TDRD9: variants seen among roughly 807,000 people sequenced by gnomAD.
TDRD9 encodes tudor domain containing 9, also known as ATP-dependent RNA helicase TDRD9.
TDRD9 carries 124 observed loss-of-function variants against 172.6 expected under a neutral mutation model. The ratio of observed to expected loss-of-function variants is 0.72; its 90% CI spans 0.62 to 0.83. The LOEUF (loss-of-function observed/expected upper bound fraction) is 0.83, where lower values mean the gene tolerates loss of function less well. TDRD9 is among the 40% of genes least tolerant of loss of function. TDRD9 has a pLI of 0.00. For synonymous variants in TDRD9, 619 were observed against 617.1 expected, an observed-to-expected ratio of 1.00 and a Z score of -0.05; for missense variants, 1,479 against 1,714.1, an observed-to-expected ratio of 0.86 and a Z score of 2.42.
intron 23 of TDRD9, among the ~76,000 whole-genome samples, chr14:104,018,866 C>T (rs1327392977): frequency 6.6e-6 from 1 of 152,042 alleles, no homozygotes; most frequent in Non-Finnish European, 1.5e-5. Flanking sequence ...CTTTAATGTC[C>T]AGTTCACTCA....
intron 5 of TDRD9, among the ~76,000 whole-genome samples, chr14:103,968,757 C>T (rs1403872134): frequency 9.8e-5 from 10 of 102,516 alleles, no homozygotes; most frequent in South Asian, 3.6e-4. Context: ...GATTGCGCCA[C>T]TGCACTCCAG....
Position 104,007,485 on chromosome 14 carries a change from G to T in TDRD9, c.2052+281G>T, listed in dbSNP as rs556048736. ...TCCACATTGTACTGATCTTGCCATG[G>T]TGTCTGCAGCCTCTTTGGCTGTATT... On this transcript the variant is annotated intron_variant, in intron 19 of 35. Coordinates refer to ENST00000409874, the MANE Select transcript of TDRD9 (RefSeq NM_153046.3). Among the ~76,000 whole-genome samples, 59 of 152,290 alleles carry T rather than the reference G, an allele frequency of 3.9e-4. 1 individual carries two copies. Among genetic ancestry groups the T allele is most frequent in the African/African-American group, 1.4e-3 (57 of 41,552 alleles).
intron 20 of TDRD9, chr14:104,013,986 T>C (rs2034697265): frequency 6.6e-6 from 1 of 150,984 alleles, no homozygotes; most frequent in African/African-American, 2.4e-5. Flanking sequence ...TCCCAGCACC[T>C]TGGGGGGCCG....
chr14:103,985,291 AG>A (rs969199484), intron 7 of TDRD9, among the ~76,000 whole-genome samples: 6 of 152,074 alleles, frequency 3.9e-5, no homozygotes, highest in Non-Finnish European at 7.4e-5. Context: ...CTGTTATGGG[AG>A]GGACCCAGTG....
At chr14:103,988,766 C>T (rs181765930) in intron 8 of TDRD9, among the ~76,000 whole-genome samples, 1 of 150,138 alleles carries the variant, frequency 6.7e-6, no homozygotes, top group Admixed American at 6.7e-5. Flanking sequence ...GATCATGGCT[C>T]ACAGCAGCCT....
chr14:103,955,582 C>G, intron 1 of TDRD9, 82 bp from the exon 2 acceptor site: 1 of 958,800 alleles, frequency 1.0e-6, no homozygotes, highest in Non-Finnish European at 1.5e-6. Context: ...TTTCCTGTGA[C>G]TTAATGTGAA....
chr14:103,929,551 A>T (rs1294149308), intron 1 of TDRD9, among the ~76,000 whole-genome samples: 1 of 145,524 alleles, frequency 6.9e-6, no homozygotes, highest in African/African-American at 2.5e-5. Context: ...ATGGAGTCTC[A>T]CTTTGTTACC....
rs79847334 is a variant in TDRD9, at chr14:103,997,504, G to C, written c.1379-1120G>C. 6.6e-6 allele frequency among the ~76,000 whole-genome samples: 1 copy of C among 152,220 alleles called. No homozygotes were observed. Among genetic ancestry groups the C allele is most frequent in the African/African-American group, 2.4e-5 (1 of 41,460 alleles). On this transcript the variant is annotated intron_variant, in intron 12 of 35. Transcript: ENST00000409874. The surrounding 1 kb of genome is among the most constrained non-coding windows in gnomAD (Gnocchi z 5.1). ...GAGGAGCTGGGATTCGGGCTGAGAC[G>C]TGCTAGATGTTCAGGTGGAGGTGTC...
intron 28 of TDRD9, 82 bp downstream of exon 28, chr14:104,027,021 A>T: frequency 1.2e-5 from 18 of 1,457,818 alleles, no homozygotes; most frequent in Non-Finnish European, 1.7e-5. Context: ...GGACCCTGAG[A>T]TAGGAGGAGG....
intron 12 of TDRD9, among the ~76,000 whole-genome samples, chr14:103,998,121 C>T (rs1018826725): frequency 5.9e-5 from 9 of 151,930 alleles, no homozygotes; most frequent in South Asian, 4.2e-4. Context: ...CAGAGACACT[C>T]GGCAGCTTAT....
chr14:104,033,587 C>G (rs1246794682), intron 30 of TDRD9, among the ~76,000 whole-genome samples: 1 of 152,110 alleles, frequency 6.6e-6, no homozygotes, highest in African/African-American at 2.4e-5. Flanking sequence ...GTGGGGTGGA[C>G]CACACTCAGT....
intron 12 of TDRD9, 89 bp downstream of exon 12, chr14:103,995,896 T>G: frequency 8.4e-7 from 1 of 1,185,610 alleles, no homozygotes; most frequent in African/African-American, 1.5e-5. Flanking sequence ...GTTCTTCTCT[T>G]CCTTCCCATC....
intron 6 of TDRD9, among the ~76,000 whole-genome samples, chr14:103,974,736 G>C (rs1216982169): frequency 6.6e-6 from 1 of 151,988 alleles, no homozygotes; most frequent in East Asian, 1.9e-4. Context: ...GACCTCCTTG[G>C]CTCCAGTGAT....
At position 104,026,783 on chromosome 14, in the gene TDRD9, C is replaced by G; in HGVS notation, c.3126C>G (p.Ser1042Arg). The change falls in exon 28 of 36, where the codon AGC becomes AGG. Residue 1042 changes from serine to arginine, a missense_variant. Physicochemically the swap from Ser to Arg is moderately radical, Grantham distance 110. This residue lies in a region of TDRD9 where 1,413 missense variants were observed against 1,649.1 expected (regional missense o/e 0.86). Coordinates refer to ENST00000409874, the MANE Select transcript of TDRD9 (RefSeq NM_153046.3). Reference protein sequence around the residue: ...GASQWFASLVSGCTLLVKVFS... With the variant: ...GASQWFASLVRGCTLLVKVFS... ...GCCAGTGGTTCGCCTCTCTGGTGAG[C>G]GGCTGCACCCTCCTTGTGAAGGTCT... 1 of 1,613,928 alleles carries G rather than the reference C, an allele frequency of 6.2e-7. No homozygotes were observed. Among genetic ancestry groups the G allele is most frequent in the Non-Finnish European group, 8.5e-7 (1 of 1,179,876 alleles).
chr14:104,026,269 C>A, intron 27 of TDRD9, 133 bp downstream of exon 27: 1 of 636,858 alleles, frequency 1.6e-6, no homozygotes, highest in Non-Finnish European at 2.8e-6. Flanking sequence ...GAGGGACTTG[C>A]TTTGTCACAA....
At chr14:103,979,249 A>G (rs2033375167) in intron 7 of TDRD9, among the ~76,000 whole-genome samples, 1 of 152,154 alleles carries the variant, frequency 6.6e-6, no homozygotes, top group Admixed American at 6.5e-5. Context: ...ATAATACTCC[A>G]TTGTGTATAT....
At chr14:104,043,078 G>A (rs1224714308) in intron 34 of TDRD9, among the ~76,000 whole-genome samples, 2 of 151,838 alleles carry the variant, frequency 1.3e-5, no homozygotes. Flanking sequence ...CAAGCTGAGT[G>A]CAGTGGTGCG....
intron 34 of TDRD9, among the ~76,000 whole-genome samples, chr14:104,046,442 C>T (rs750646177): frequency 3.9e-5 from 6 of 152,036 alleles, no homozygotes; most frequent in Non-Finnish European, 5.9e-5. Flanking sequence ...TGCATATGAA[C>T]ATCTAGTGGT....
chr14:104,023,038 C>T (rs1035912210), intron 24 of TDRD9, among the ~76,000 whole-genome samples: 7 of 151,510 alleles, frequency 4.6e-5, no homozygotes, highest in African/African-American at 7.3e-5. Flanking sequence ...AAAAATTAGC[C>T]GGGTGTGGTG....
Sources: gnomAD v4.1 joint callset for allele counts (sites outside exome capture counted in the v4.1 genomes callset) on GRCh38, gnomAD v4.1.1 for gene constraint, gnomAD v4.1.1 regional missense constraint, Gnocchi (gnomAD v3.1) non-coding constraint, MANE v1.5 for transcripts, NCBI Gene and HGNC (gene_info 2026-07-23, HGNC 2026-07-21) for gene names.